Variants in LHFPL3 observed in about 807,000 individuals in gnomAD.
LHFPL3 encodes LHFPL tetraspan subfamily member 3.
LHFPL3 carries 5 observed loss-of-function variants against 19.3 expected under a neutral mutation model. The observed-to-expected ratio is 0.26, with a 90% CI of 0.14 to 0.54. The LOEUF (loss-of-function observed/expected upper bound fraction) is 0.54. LHFPL3 is among the 20% of genes least tolerant of loss of function. The pLI, the probability that LHFPL3 is intolerant of heterozygous loss-of-function variation, is 0.94. For missense variants in LHFPL3, 249 were observed against 307.4 expected, an observed-to-expected ratio of 0.81 and a Z score of 1.42; for synonymous variants, 133 against 126.2, an observed-to-expected ratio of 1.05 and a Z score of -0.36.
intron 1 of LHFPL3, among the ~76,000 whole-genome samples, chr7:104,451,410 T>C (rs1199247652): frequency 1.3e-5 from 2 of 152,144 alleles, no homozygotes; most frequent in East Asian, 3.9e-4. Context: ...TAAAGCACTG[T>C]GATATTGGGG....
At chr7:104,448,085 A>G (rs1209406833) in intron 1 of LHFPL3, among the ~76,000 whole-genome samples, 1 of 152,158 alleles carries the variant, frequency 6.6e-6, no homozygotes, top group Non-Finnish European at 1.5e-5. Flanking sequence ...ACCATTTTCA[A>G]CCAGATTGTT....
chr7:104,824,653 AATT>A (rs1790779108), intron 2 of LHFPL3, among the ~76,000 whole-genome samples: 2 of 87,970 alleles, frequency 2.3e-5, no homozygotes, highest in South Asian at 6.2e-4. Context: ...TATTATATAT[AATT>A]ATATATTTAT....
intron 2 of LHFPL3, among the ~76,000 whole-genome samples, chr7:104,897,067 C>CA (rs1294398845): frequency 1.3e-5 from 2 of 150,074 alleles, no homozygotes; most frequent in Admixed American, 1.3e-4. Context: ...GCCCAGGTGA[C>CA]AGAGTGAGAC....
intron 2 of LHFPL3, among the ~76,000 whole-genome samples, chr7:104,842,401 C>A (rs1490485352): frequency 6.6e-6 from 1 of 152,048 alleles, no homozygotes; most frequent in African/African-American, 2.4e-5. Flanking sequence ...GGGACTGGGC[C>A]CTGGAGCCCA....
intron 2 of LHFPL3, among the ~76,000 whole-genome samples, chr7:104,808,431 T>C (rs534572914): frequency 6.6e-6 from 1 of 152,342 alleles, no homozygotes; most frequent in African/African-American, 2.4e-5. Flanking sequence ...TTTGAACCTA[T>C]GTCTCTGTGA....
At chr7:104,462,195 A>G (rs538053301) in intron 1 of LHFPL3, among the ~76,000 whole-genome samples, 13 of 152,066 alleles carry the variant, frequency 8.5e-5, no homozygotes, top group Non-Finnish European at 1.5e-4. Flanking sequence ...CAAACAGGGA[A>G]AATTTGACTT....
intron 1 of LHFPL3, among the ~76,000 whole-genome samples, chr7:104,641,159 C>T (rs1584456476): frequency 1.3e-5 from 2 of 152,242 alleles, no homozygotes. Context: ...ATCTTCTTTC[C>T]AAGTGGGATG....
intron 2 of LHFPL3, among the ~76,000 whole-genome samples, chr7:104,746,043 G>C (rs535990178): frequency 1.3e-5 from 2 of 152,280 alleles, no homozygotes; most frequent in South Asian, 4.2e-4. Context: ...GGACATGGTG[G>C]CTTATGCCTG....
At chr7:104,466,675 G>A (rs1452785236) in intron 1 of LHFPL3, among the ~76,000 whole-genome samples, 1 of 152,070 alleles carries the variant, frequency 6.6e-6, no homozygotes, top group Non-Finnish European at 1.5e-5. Flanking sequence ...GTTTTTGTTG[G>A]GCCAAGACTT....
intron 2 of LHFPL3, among the ~76,000 whole-genome samples, chr7:104,740,733 C>A (rs1793918630): frequency 6.6e-6 from 1 of 151,686 alleles, no homozygotes; most frequent in African/African-American, 2.4e-5. Flanking sequence ...GGGGAAACCG[C>A]CCCCATGATT....
chr7:104,851,125 A>G (rs1201807580), intron 2 of LHFPL3, among the ~76,000 whole-genome samples: 1 of 152,234 alleles, frequency 6.6e-6, no homozygotes, highest in East Asian at 1.9e-4. Flanking sequence ...TAGTGTTCCA[A>G]GTCTTCAGAT....
chr7:104,895,720 G>A (rs1408227499), intron 2 of LHFPL3: 1 of 152,210 alleles, frequency 6.6e-6, no homozygotes, highest in Non-Finnish European at 1.5e-5. Flanking sequence ...GAAGTCACAA[G>A]AGCTGGATTC....
chr7:104,889,975 T>A (rs546702818), intron 2 of LHFPL3, among the ~76,000 whole-genome samples: 1 of 152,310 alleles, frequency 6.6e-6, no homozygotes, highest in South Asian at 2.1e-4. Flanking sequence ...AGATCTTTCC[T>A]TCTCTCCTCT....
intron 1 of LHFPL3, among the ~76,000 whole-genome samples, chr7:104,484,297 G>T (rs1165574679): frequency 6.6e-6 from 1 of 151,824 alleles, no homozygotes; most frequent in Non-Finnish European, 1.5e-5. Flanking sequence ...AACCCATCAG[G>T]GATCTCAAAG....
At chr7:104,470,103 G>C in intron 1 of LHFPL3, 1 of 455,420 alleles carries the variant, frequency 2.2e-6, no homozygotes, top group Non-Finnish European at 4.4e-6. Flanking sequence ...GAATGAACCA[G>C]CTGAGAGACA....
chr7:104,442,261 T>G (rs1792241953), intron 1 of LHFPL3, among the ~76,000 whole-genome samples: 1 of 151,942 alleles, frequency 6.6e-6, no homozygotes, highest in East Asian at 1.9e-4. Flanking sequence ...TTTTTGCTGC[T>G]GAATTGTAGT....
intron 1 of LHFPL3, among the ~76,000 whole-genome samples, chr7:104,591,262 T>G (rs1484225745): frequency 1.3e-5 from 2 of 152,236 alleles, no homozygotes; most frequent in Non-Finnish European, 2.9e-5. Context: ...CAGTTGTTCC[T>G]TTCCATGTTT....
At chr7:104,898,997 CG>C (rs1199549890) in intron 2 of LHFPL3, among the ~76,000 whole-genome samples, 1 of 150,642 alleles carries the variant, frequency 6.6e-6, no homozygotes, top group East Asian at 2.0e-4. Context: ...CAGCTACTTA[CG>C]GGGCTGAGGT....
chr7:104,588,067 G>A (rs1226262298), intron 1 of LHFPL3, among the ~76,000 whole-genome samples: 2 of 152,200 alleles, frequency 1.3e-5, no homozygotes, highest in East Asian at 3.9e-4. Flanking sequence ...TCTGTAGGTT[G>A]CCTGTTCACT....
Sources: allele counts gnomAD v4.1 joint callset (sites outside exome capture counted in the v4.1 genomes callset), GRCh38; gene constraint gnomAD v4.1.1; transcripts MANE v1.5; gene names NCBI Gene and HGNC (gene_info 2026-07-23, HGNC 2026-07-21).